The following LYPD6 variants were observed in gnomAD, a reference collection of about 807,000 sequenced individuals.
LYPD6 encodes the protein ly6/PLAUR domain-containing protein 6.
Under a neutral mutation model 22.7 loss-of-function variants are expected in LYPD6, and 15 were observed. That is an observed-to-expected ratio of 0.66 (90% CI 0.44 to 1.02). The LOEUF is 1.02. Ranked by LOEUF, LYPD6 falls within the 50% of genes least tolerant of loss-of-function variation. The pLI, the probability that LYPD6 is intolerant of heterozygous loss-of-function variation, is 0.00. For missense variants in LYPD6, 189 were observed against 208.4 expected, an observed-to-expected ratio of 0.91 and a Z score of 0.57; for synonymous variants, 72 against 77.5, an observed-to-expected ratio of 0.93 and a Z score of 0.37.
intron 1 of LYPD6, among the ~76,000 whole-genome samples, chr2:149,335,264 G>A (rs1421284873): frequency 6.6e-6 from 1 of 152,014 alleles, no homozygotes; most frequent in East Asian, 1.9e-4. Context: ...ACCTTCCAGT[G>A]GGACAAGATG....
At chr2:149,347,155 G>C (rs1681272492) in intron 1 of LYPD6, among the ~76,000 whole-genome samples, 1 of 151,662 alleles carries the variant, frequency 6.6e-6, no homozygotes, top group African/African-American at 2.4e-5. Context: ...GAGAGGGCGA[G>C]AGAGAGAAGA....
chr2:149,332,838 G>A (rs997424729), intron 1 of LYPD6, among the ~76,000 whole-genome samples: 1 of 152,186 alleles, frequency 6.6e-6, no homozygotes, highest in Non-Finnish European at 1.5e-5. Flanking sequence ...AAGAATTAAG[G>A]TGAAAACTAG....
intron 1 of LYPD6, among the ~76,000 whole-genome samples, chr2:149,414,256 G>A (rs1682914934): frequency 6.6e-6 from 1 of 152,020 alleles, no homozygotes; most frequent in African/African-American, 2.4e-5. Context: ...TTTTATTAAA[G>A]CATTTGTTAA....
chr2:149,460,868 G>A (rs1201015895), intron 3 of LYPD6, among the ~76,000 whole-genome samples: 1 of 151,984 alleles, frequency 6.6e-6, no homozygotes, highest in African/African-American at 2.4e-5. Flanking sequence ...ACTAAACAGT[G>A]CACATCTAAA....
At chr2:149,379,140 C>A (rs1682002790) in intron 1 of LYPD6, among the ~76,000 whole-genome samples, 3 of 152,158 alleles carry the variant, frequency 2.0e-5, no homozygotes, top group Admixed American at 2.0e-4. Flanking sequence ...GAGGGCTGTG[C>A]ATCTGTGGTA....
chr2:149,484,556 C>CT, the LYPD6 span, among the ~76,000 whole-genome samples: 1 of 152,012 alleles, frequency 6.6e-6, no homozygotes, highest in Non-Finnish European at 1.5e-5. Flanking sequence ...TAGCTACCCC[C>CT]GTAGTCCATG....
chr2:149,424,535 C>A (rs538814766), intron 1 of LYPD6, among the ~76,000 whole-genome samples: 2 of 152,132 alleles, frequency 1.3e-5, no homozygotes, highest in African/African-American at 4.8e-5. Context: ...ATTGTCCTTA[C>A]GAAATAAGGC....
intron 1 of LYPD6, among the ~76,000 whole-genome samples, chr2:149,426,180 C>G (rs190046829): frequency 9.2e-5 from 14 of 152,298 alleles, no homozygotes; most frequent in Admixed American, 9.1e-4. Flanking sequence ...TGGCTCTTCT[C>G]TGCTGTGAGA....
intron 1 of LYPD6, among the ~76,000 whole-genome samples, chr2:149,411,558 A>G (rs1174892719): frequency 2.0e-5 from 3 of 152,028 alleles, no homozygotes; most frequent in African/African-American, 7.3e-5. Context: ...CCATTTTGCT[A>G]GTTAGTGGGT....
the LYPD6 span, among the ~76,000 whole-genome samples, chr2:149,483,804 G>C: frequency 1.3e-5 from 2 of 151,890 alleles, no homozygotes; most frequent in African/African-American, 4.8e-5. Flanking sequence ...AATTTTTGAA[G>C]TATACTTTTT....
intron 3 of LYPD6, among the ~76,000 whole-genome samples, chr2:149,456,535 A>AT (rs1163972135): frequency 2.0e-5 from 3 of 152,152 alleles, no homozygotes; most frequent in Non-Finnish European, 2.9e-5. Context: ...GAATGAGACC[A>AT]TATTTGGAAA....
chr2:149,479,597 G>A, the LYPD6 span, among the ~76,000 whole-genome samples: 2 of 152,170 alleles, frequency 1.3e-5, no homozygotes, highest in Non-Finnish European at 1.5e-5. Context: ...CCAGAAACCT[G>A]GGTTTCTCCT....
At chr2:149,474,303 A>G (rs192002557), downstream of LYPD6, among the ~76,000 whole-genome samples, 21 of 152,026 alleles carry the variant, frequency 1.4e-4, no homozygotes, top group Non-Finnish European at 2.4e-4. Flanking sequence ...CTCAAGTGAT[A>G]TCCTCCTGCC....
chr2:149,392,827 C>T (rs947126113), intron 1 of LYPD6, among the ~76,000 whole-genome samples: 8 of 152,058 alleles, frequency 5.3e-5, no homozygotes, highest in Non-Finnish European at 8.8e-5. Context: ...AGTTCAAGAC[C>T]AGCCTGACCA....
At chr2:149,423,148 T>C (rs1330271618) in intron 1 of LYPD6, among the ~76,000 whole-genome samples, 1 of 152,076 alleles carries the variant, frequency 6.6e-6, no homozygotes, top group Non-Finnish European at 1.5e-5. Context: ...TGACCTCATA[T>C]GTACCTGGAG....
chr2:149,466,421 T>C (rs994632062), intron 3 of LYPD6, among the ~76,000 whole-genome samples: 3 of 152,186 alleles, frequency 2.0e-5, no homozygotes, highest in African/African-American at 7.2e-5. Context: ...GTGTTCTCCA[T>C]ATATTTTTGT....
intron 1 of LYPD6, among the ~76,000 whole-genome samples, chr2:149,379,547 G>A (rs1005327763): frequency 1.3e-5 from 2 of 152,196 alleles, no homozygotes; most frequent in Non-Finnish European, 2.9e-5. Context: ...AGCAGTGGAA[G>A]AATTTATTCT....
chr2:149,411,192 C>G (rs955117248), intron 1 of LYPD6, among the ~76,000 whole-genome samples: 1 of 152,162 alleles, frequency 6.6e-6, no homozygotes, highest in African/African-American at 2.4e-5. Flanking sequence ...TTTTAACAAG[C>G]CTTCTGACGC....
intron 1 of LYPD6, among the ~76,000 whole-genome samples, chr2:149,427,513 G>A (rs946208686): frequency 2.6e-5 from 4 of 152,076 alleles, no homozygotes; most frequent in Non-Finnish European, 5.9e-5. Flanking sequence ...ATGCCTTCTT[G>A]TCAGTTCTCA....
Sources: gnomAD v4.1 joint callset for allele counts (sites outside exome capture counted in the v4.1 genomes callset) on GRCh38, gnomAD v4.1.1 for gene constraint, MANE v1.5 for transcripts, NCBI Gene and HGNC (gene_info 2026-07-23, HGNC 2026-07-21) for gene names.